The following CMPK2 variants were observed in gnomAD, a reference collection of about 807,000 sequenced individuals.
CMPK2 encodes the protein UMP-CMP kinase 2, mitochondrial.
In CMPK2, 32 loss-of-function variants were observed where a neutral mutation model predicts 33.4. The ratio of observed to expected loss-of-function variants is 0.96; its 90% CI spans 0.72 to 1.29. The LOEUF (loss-of-function observed/expected upper bound fraction) is 1.29. Ranked by LOEUF, CMPK2 falls within the 50% of genes most tolerant of loss-of-function variation. CMPK2 has a pLI of 0.00. For missense variants in CMPK2, 672 were observed against 616.0 expected (o/e 1.09, Z -0.96); for synonymous variants, 299 against 275.3 (o/e 1.09, Z -0.85).
At chr2:6,863,913 C>T (rs1326282550) in intron 1 of CMPK2, among the ~76,000 whole-genome samples, 1 of 152,250 alleles carries the variant, frequency 6.6e-6, no homozygotes, top group Admixed American at 6.5e-5. Context: ...GCTGGGAACA[C>T]TGTCTCACAA....
intron 4 of CMPK2, chr2:6,850,646 T>C (rs1300649080): frequency 1.5e-6 from 1 of 662,456 alleles, no homozygotes; most frequent in Non-Finnish European, 1.9e-6. Context: ...ACTGAAACCG[T>C]ACCTTCCTTG....
rs1309363323 is a variant in CMPK2, at chr2:6,865,490, C to CG, written c.206dup (p.Glu70GlyfsTer70). The stretch of plus-strand genomic sequence containing the variant: ...GCACGCACAGCGAGTAGCTGCGCTC[C>CG]GGGGGCCCCAGCAGCGCCGCCAGGC... On this transcript the variant is annotated frameshift_variant, in exon 1 of 5. Coordinates refer to ENST00000256722, the MANE Select transcript of CMPK2 (RefSeq NM_207315.4). LOFTEE classifies it high-confidence loss of function. 7.9e-7 allele frequency: 1 copy of CG among 1,269,006 alleles called. No homozygotes were observed. The highest frequency in any genetic ancestry group is 2.7e-5 in the South Asian group (1 of 36,472). The allele number at this position is 1,269,006 out of a possible 1,614,324, so 78.6% of individuals were successfully genotyped here. A position where few individuals can be genotyped will look rare whatever the true frequency, so the allele number is the denominator to read the frequency against.
intron 3 of CMPK2, among the ~76,000 whole-genome samples, chr2:6,840,966 A>G (rs1291414235): frequency 6.6e-6 from 1 of 152,122 alleles, no homozygotes; most frequent in Non-Finnish European, 1.5e-5. Context: ...ATAGGAAGAT[A>G]AGCAGTTTAG....
downstream of CMPK2, among the ~76,000 whole-genome samples, chr2:6,846,243 C>A (rs1261553670): frequency 6.6e-6 from 1 of 152,168 alleles, no homozygotes; most frequent in Non-Finnish European, 1.5e-5. Flanking sequence ...TAACTTCTCT[C>A]ATAAAAGAAC....
chr2:6,841,262 C>G (rs1045543497), intron 3 of CMPK2, among the ~76,000 whole-genome samples: 19 of 152,154 alleles, frequency 1.2e-4, no homozygotes, highest in Admixed American at 1.0e-3. Flanking sequence ...CTAGTGAAGG[C>G]ATCCACCCAC....
chr2:6,853,949 T>C (rs543818935), intron 3 of CMPK2, among the ~76,000 whole-genome samples: 8 of 152,022 alleles, frequency 5.3e-5, no homozygotes, highest in South Asian at 2.1e-4. Context: ...CTCAACACCA[T>C]CCATCCTTCA....
chr2:6,845,865 A>AT (rs1472548635), downstream of CMPK2, among the ~76,000 whole-genome samples: 21 of 152,356 alleles, frequency 1.4e-4, no homozygotes, highest in Middle Eastern at 3.4e-3. Flanking sequence ...TCAAATGAGC[A>AT]TAAGAATTGA....
chr2:6,866,014 AC>A, upstream of CMPK2: 1 of 523,532 alleles, frequency 1.9e-6, no homozygotes, highest in Non-Finnish European at 2.9e-6. Context: ...CGGGGCTGAC[AC>A]CGAATGAGGC....
In CMPK2 at chr2:6,840,591, G is replaced by C. The variant is rs1330613287; in HGVS notation, c.1080C>G (p.His360Gln). The C allele has an allele frequency of 8.5e-6, 6 of 702,190 alleles. No individual in the cohort carries two copies. The Admixed American group carries it at 1.0e-4, about 12-fold the overall frequency. 43.5% of individuals were successfully genotyped at this position (702,190 alleles called of 1,614,324 possible). A position where few individuals can be genotyped will look rare whatever the true frequency, so the allele number is the denominator to read the frequency against. The stretch of plus-strand genomic sequence containing the variant: ...GGGGTCATTCCAGGCCTTGACTCGA[G>C]TGTGATGAATCCAAGATTCCAGTCC... Residue 360 changes from histidine (H) to glutamine (Q), a missense_variant, in exon 4 of 4, where the codon CAC (histidine) becomes CAG (glutamine). His to Gln is a conservative substitution (Grantham distance 24). Transcript: ENST00000458098.
chr2:6,858,466 G>A (rs1011208973), intron 3 of CMPK2, among the ~76,000 whole-genome samples: 2 of 152,140 alleles, frequency 1.3e-5, no homozygotes, highest in Non-Finnish European at 2.9e-5. Context: ...TCATTGATAT[G>A]GTTTGGCTGT....
downstream of CMPK2, among the ~76,000 whole-genome samples, chr2:6,843,926 T>C (rs542434038): frequency 6.6e-6 from 1 of 152,310 alleles, no homozygotes; most frequent in South Asian, 2.1e-4. Flanking sequence ...TCCTGGATAG[T>C]AATGGCAGTT....
intron 3 of CMPK2, among the ~76,000 whole-genome samples, chr2:6,843,046 A>T (rs1194681499): frequency 6.6e-6 from 1 of 152,156 alleles, no homozygotes; most frequent in Non-Finnish European, 1.5e-5. Flanking sequence ...CTTATTGTAA[A>T]ACTTTAATCT....
In CMPK2 at chr2:6,865,445, G is replaced by T; in HGVS notation, c.252C>A (p.Gly84=). The T allele has an allele frequency of 2.3e-6, 3 of 1,280,778 alleles. No individual in the cohort carries two copies. The highest frequency in any genetic ancestry group is 2.9e-6 in the Non-Finnish European group (3 of 1,018,836). 79.3% of individuals were successfully genotyped at this position (1,280,778 alleles called of 1,614,324 possible). A position where few individuals can be genotyped will look rare whatever the true frequency, so the allele number is the denominator to read the frequency against. Residue 84 remains glycine, a synonymous_variant, in exon 1 of 5, where the codon GGC becomes GGA. Coordinates refer to ENST00000256722, the MANE Select transcript of CMPK2 (RefSeq NM_207315.4). The part of the protein sequence containing the change: ...SLCVPVTPDA[G]CGARVRAARL... ...GCGCCGCCCGGACCCGGGCCCCGCA[G>T]CCGGCGTCCGGGGTCACGGGCACGC... is the stretch of plus-strand genomic sequence containing the variant.
intron 3 of CMPK2, among the ~76,000 whole-genome samples, chr2:6,854,301 T>C (rs1202807970): frequency 6.6e-6 from 1 of 152,198 alleles, no homozygotes; most frequent in Non-Finnish European, 1.5e-5. Flanking sequence ...CAAGAATAGA[T>C]TTTTAAAGGT....
chr2:6,848,746 C>T lies in CMPK2; in HGVS notation c.*1104G>A, dbSNP rs920066776. On this transcript the variant is annotated 3_prime_UTR_variant, in exon 5 of 5. Coordinates refer to ENST00000256722, the MANE Select transcript of CMPK2 (RefSeq NM_207315.4). The stretch of plus-strand genomic sequence containing the variant: ...AATTTTAGGTAATCACCTGGTTCAA[C>T]CTACTCCCTAAAGTCACACAGCTCT... 1 of 985,806 alleles carries T rather than the reference C, an allele frequency of 1.0e-6. No individual in the cohort carries two copies. Among genetic ancestry groups the T allele is most frequent in the Non-Finnish European group, 1.2e-6 (1 of 829,888 alleles). 61.1% of individuals were successfully genotyped at this position (985,806 alleles called of 1,614,324 possible). A position where few individuals can be genotyped will look rare whatever the true frequency, so the allele number is the denominator to read the frequency against.
chr2:6,860,774 T>A (rs1662850808), intron 3 of CMPK2, among the ~76,000 whole-genome samples: 1 of 152,224 alleles, frequency 6.6e-6, no homozygotes, highest in African/African-American at 2.4e-5. Flanking sequence ...GTCCAGTAAG[T>A]ATTTGTTGAA....
chr2:6,849,886 T>A lies in CMPK2; in HGVS notation c.1314A>T (p.Val438=), dbSNP rs1367801748. 1.2e-6 allele frequency: 2 copies of A among 1,614,158 alleles called. No individual in the cohort carries two copies. Among genetic ancestry groups the A allele is most frequent in the Admixed American group, 3.3e-5 (2 of 60,026 alleles). ...TAAAACTATTCTGGATTAGGCTTAA[T>A]ACCGTCTGCAGGACCTTTTCTCTGG... The part of the protein sequence containing the change: ...SPSREKVLQT[V]LSLIQNSFSE... The change falls in exon 5 of 5, where the codon GTA becomes GTT. Residue 438 remains valine, a synonymous_variant. Coordinates refer to ENST00000256722, the MANE Select transcript of CMPK2 (RefSeq NM_207315.4).
chr2:6,851,592 A>T lies in CMPK2; in HGVS notation c.1084T>A (p.Trp362Arg). 1 of 1,614,188 alleles carries T rather than the reference A, an allele frequency of 6.2e-7. No individual in the cohort carries two copies. Among genetic ancestry groups the T allele is most frequent in the Non-Finnish European group, 8.5e-7 (1 of 1,180,028 alleles). ...LPPAHHPVYQ[W>R]PEDLLKPDLI... is the part of the protein sequence containing the mutation. Reference sequence around the variant, plus strand: ...TCAGGTTTGAGCAGGTCCTCTGGCCACTGGTACACAGGGTGATGGGCTGGG... The same window carrying T: ...TCAGGTTTGAGCAGGTCCTCTGGCCTCTGGTACACAGGGTGATGGGCTGGG... Residue 362 changes from tryptophan to arginine, a missense_variant, in exon 4 of 5, where the codon TGG becomes AGG. Transcript: ENST00000256722.
Position 6,849,630 on chromosome 2 carries a change from C to A in CMPK2, c.*220G>T. The A allele has an allele frequency of 7.4e-7, 1 of 1,349,796 alleles. No homozygotes were observed. The highest frequency in any genetic ancestry group is 9.5e-7 in the Non-Finnish European group (1 of 1,056,612). 83.6% of individuals were successfully genotyped at this position (1,349,796 alleles called of 1,614,324 possible). On this transcript the variant is annotated 3_prime_UTR_variant, in exon 5 of 5. Coordinates refer to ENST00000256722, the MANE Select transcript of CMPK2 (RefSeq NM_207315.4). ...ATGCCAGGAAGAAAGCAATCGCTGG[C>A]CTCTCACTGGAACATGATGAGAGGG...
Sources: gnomAD v4.1 joint callset for allele counts (sites outside exome capture counted in the v4.1 genomes callset) on GRCh38, gnomAD v4.1.1 for gene constraint, MANE v1.5 for transcripts, NCBI Gene and HGNC (gene_info 2026-07-23, HGNC 2026-07-21) for gene names.